Variants in SMIM14 observed in about 807,000 individuals in gnomAD.
SMIM14 encodes chromosome 4 open reading frame 34.
Under a neutral mutation model 12.6 loss-of-function variants are expected in SMIM14, and 5 were observed. That is an observed-to-expected ratio of 0.40 (90% CI 0.21 to 0.83). SMIM14 has a LOEUF of 0.83. Ranked by LOEUF, SMIM14 falls within the 40% of genes least tolerant of loss-of-function variation. The probability of loss-of-function intolerance (pLI) is 0.37; values close to 1 mark genes in which losing one functional copy is unlikely to be tolerated. For missense variants in SMIM14, 86 were observed against 119.1 expected (o/e 0.72, Z 1.29); for synonymous variants, 30 against 40.1 (o/e 0.75, Z 0.95).
intron 1 of SMIM14, among the ~76,000 whole-genome samples, chr4:39,623,757 G>C (rs1466543754): frequency 6.6e-6 from 1 of 152,136 alleles, no homozygotes; most frequent in Non-Finnish European, 1.5e-5. Flanking sequence ...TGCTACTTGG[G>C]AGGCTGAGGC....
chr4:39,601,912 A>C (rs1714628669), intron 2 of SMIM14, among the ~76,000 whole-genome samples: 1 of 148,242 alleles, frequency 6.7e-6, no homozygotes, highest in Non-Finnish European at 1.5e-5. Context: ...ACACCACTGC[A>C]TTTCAGCCTG....
chr4:39,614,079 G>C (rs1373155799), intron 1 of SMIM14, among the ~76,000 whole-genome samples: 1 of 150,750 alleles, frequency 6.6e-6, no homozygotes, highest in Admixed American at 6.7e-5. Context: ...TGTAATCCCA[G>C]CTGCTTGGGA....
intron 1 of SMIM14, among the ~76,000 whole-genome samples, chr4:39,634,833 TG>T (rs897065860): frequency 5.2e-4 from 79 of 151,522 alleles, no homozygotes; most frequent in African/African-American, 1.8e-3. Context: ...GACTTTTCCA[TG>T]GGAAAAAAAA....
intron 3 of SMIM14, among the ~76,000 whole-genome samples, chr4:39,571,726 C>T (rs1712900255): frequency 6.6e-6 from 1 of 152,032 alleles, no homozygotes; most frequent in Non-Finnish European, 1.5e-5. Flanking sequence ...CTGTTACAGA[C>T]TTATTTGCCA....
At chr4:39,601,765 G>A (rs1293898348) in intron 2 of SMIM14, among the ~76,000 whole-genome samples, 2 of 151,906 alleles carry the variant, frequency 1.3e-5, no homozygotes, top group Non-Finnish European at 2.9e-5. Context: ...TGGGCAACCT[G>A]GGGAGATCCC....
intron 2 of SMIM14, among the ~76,000 whole-genome samples, chr4:39,604,455 T>G (rs951100791): frequency 6.6e-6 from 1 of 151,826 alleles, no homozygotes; most frequent in African/African-American, 2.4e-5. Context: ...GAGAATCGCT[T>G]GAACTCAGGA....
chr4:39,623,434 T>C (rs1425601786), intron 1 of SMIM14, among the ~76,000 whole-genome samples: 2 of 152,228 alleles, frequency 1.3e-5, no homozygotes, highest in African/African-American at 4.8e-5. Context: ...AGGGATAACA[T>C]TGGCTAATTC....
At chr4:39,566,877 G>C (rs145912313) in intron 3 of SMIM14, among the ~76,000 whole-genome samples, 2 of 152,158 alleles carry the variant, frequency 1.3e-5, no homozygotes, top group African/African-American at 4.8e-5. Flanking sequence ...TGAGGCAGGA[G>C]AATCGCTTGA....
intron 1 of SMIM14, among the ~76,000 whole-genome samples, chr4:39,608,557 T>A (rs1276538402): frequency 1.3e-5 from 2 of 152,234 alleles, no homozygotes; most frequent in Non-Finnish European, 2.9e-5. Flanking sequence ...AATAATATGC[T>A]ATGATTCCAT....
At chr4:39,597,073 GC>G (rs1225863459) in intron 2 of SMIM14, among the ~76,000 whole-genome samples, 1 of 149,492 alleles carries the variant, frequency 6.7e-6, no homozygotes, top group Non-Finnish European at 1.5e-5. Context: ...ACGGTGCCCG[GC>G]CCAGGTTTCC....
Position 39,638,772 on chromosome 4 carries a change from T to A in SMIM14, c.-69A>T, listed in dbSNP as rs1420106131. The A allele has an allele frequency of 1.0e-6, 1 of 985,096 alleles. No homozygotes were observed. The highest frequency in any genetic ancestry group is 1.8e-5 in the African/African-American group (1 of 57,130). The allele number at this position is 985,096 out of a possible 1,614,324, so 61.0% of individuals were successfully genotyped here. A position where few individuals can be genotyped will look rare whatever the true frequency, so the allele number is the denominator to read the frequency against. On this transcript the variant is annotated 5_prime_UTR_variant, in exon 1 of 5. Transcript: ENST00000295958. Reference sequence around the variant, plus strand: ...ACAACAACCGATGGGGCGGGGAGGATGGGGGCCGGGACCGAGGCTCGGCAG... The same window carrying A: ...ACAACAACCGATGGGGCGGGGAGGAAGGGGGCCGGGACCGAGGCTCGGCAG...
At position 39,546,605 on chromosome 4, in the gene SMIM14, A is replaced by G. The variant is rs2109967605; in HGVS notation, c.*5521T>C. The G allele has an allele frequency of 6.6e-6, 1 of 152,318 alleles. No homozygotes were observed. Among genetic ancestry groups the G allele is most frequent in the South Asian group, 2.1e-4 (1 of 4,830 alleles). 9.4% of individuals were successfully genotyped at this position (152,318 alleles called of 1,614,324 possible). ...AAAAAACTTATTTTATTTGAATTCCATTTTCTGAGAAGAAAACTAGTATTG... is the reference window on the plus strand; with the variant it reads ...AAAAAACTTATTTTATTTGAATTCCGTTTTCTGAGAAGAAAACTAGTATTG... On this transcript the variant is annotated 3_prime_UTR_variant, in exon 5 of 5. Coordinates refer to ENST00000295958, the MANE Select transcript of SMIM14 (RefSeq NM_174921.3).
At chr4:39,614,872 T>A (rs1484107631) in intron 1 of SMIM14, among the ~76,000 whole-genome samples, 1 of 152,190 alleles carries the variant, frequency 6.6e-6, no homozygotes, top group Non-Finnish European at 1.5e-5. Flanking sequence ...TTCCCCTTAT[T>A]CTGCAGGTCC....
At chr4:39,626,563 G>T (rs967720992) in intron 1 of SMIM14, among the ~76,000 whole-genome samples, 1 of 152,196 alleles carries the variant, frequency 6.6e-6, no homozygotes, top group Admixed American at 6.5e-5. Flanking sequence ...TAACCAGCAA[G>T]AGAGTTCAGA....
chr4:39,562,211 C>T (rs1318645883), intron 3 of SMIM14, among the ~76,000 whole-genome samples: 4 of 151,032 alleles, frequency 2.6e-5, no homozygotes, highest in African/African-American at 9.7e-5. Context: ...CCTGTCTCTA[C>T]AAAAAAAATT....
At chr4:39,617,774 C>T (rs532800262) in intron 1 of SMIM14, among the ~76,000 whole-genome samples, 1 of 152,098 alleles carries the variant, frequency 6.6e-6, no homozygotes, top group African/African-American at 2.4e-5. Flanking sequence ...GCTTTAACAG[C>T]GGAAGAGAAT....
intron 2 of SMIM14, among the ~76,000 whole-genome samples, chr4:39,579,148 C>T (rs548891928): frequency 6.6e-6 from 1 of 151,776 alleles, no homozygotes; most frequent in East Asian, 1.9e-4. Context: ...GTGGCTCATC[C>T]CTGTAATCCC....
chr4:39,560,828 C>T (rs1267157447), intron 3 of SMIM14, among the ~76,000 whole-genome samples: 1 of 151,838 alleles, frequency 6.6e-6, no homozygotes, highest in Non-Finnish European at 1.5e-5. Context: ...TTTTCTTTCT[C>T]AACAGCCCTG....
intron 4 of SMIM14, among the ~76,000 whole-genome samples, chr4:39,555,175 T>C (rs1711947107): frequency 6.6e-6 from 1 of 150,928 alleles, no homozygotes; most frequent in Admixed American, 6.6e-5. Context: ...TCAAATTCAG[T>C]GTTAAAAAAA....
Sources: gnomAD v4.1 joint callset for allele counts (sites outside exome capture counted in the v4.1 genomes callset) on GRCh38, gnomAD v4.1.1 for gene constraint, MANE v1.5 for transcripts, NCBI Gene and HGNC (gene_info 2026-07-23, HGNC 2026-07-21) for gene names.